The following MTMR9 variants were observed in gnomAD, a reference collection of about 807,000 sequenced individuals.
MTMR9 encodes myotubularin related protein 9.
MTMR9 carries 39 observed loss-of-function variants against 69.5 expected under a neutral mutation model. The ratio of observed to expected loss-of-function variants is 0.56; its 90% CI spans 0.43 to 0.73. The LOEUF (loss-of-function observed/expected upper bound fraction) is 0.73. Among genes scored for constraint, MTMR9 ranks in the 30% least tolerant of loss-of-function variants. The pLI, the probability that MTMR9 is intolerant of heterozygous loss-of-function variation, is 0.00. For missense variants in MTMR9, 900 were observed against 671.2 expected (o/e 1.34, Z -3.77); for synonymous variants, 354 against 240.8 (o/e 1.47, Z -4.35).
rs1387094749 is a variant in MTMR9 at position 11,326,647 on chromosome 8, C to A, written c.*3859C>A. On this transcript the variant is annotated 3_prime_UTR_variant, in exon 10 of 10. Transcript: ENST00000221086. ...GACCTAGTATTCTAAGTTATTACCA[C>A]ATAGTATTTTTATGTTACCCATCAT... The A allele has an allele frequency of 1.3e-5, 2 of 152,228 alleles. No homozygotes were observed. The highest frequency in any genetic ancestry group is 2.9e-5 in the Non-Finnish European group (2 of 68,058). The allele number at this position is 152,228 out of a possible 1,614,324, so 9.4% of individuals were successfully genotyped here. A position where few individuals can be genotyped will look rare whatever the true frequency, so the allele number is the denominator to read the frequency against.
At chr8:11,305,747 G>T (rs3808509) in intron 4 of MTMR9, among the ~76,000 whole-genome samples, 55,009 of 152,108 alleles carry the variant, frequency 0.36, 11,230 homozygotes, top group East Asian at 0.7. Flanking sequence ...CAAACAATGA[G>T]AACAGTGTTT....
chr8:11,308,850 G>C (rs1800071775), intron 5 of MTMR9, among the ~76,000 whole-genome samples: 1 of 152,176 alleles, frequency 6.6e-6, no homozygotes, highest in Non-Finnish European at 1.5e-5. Context: ...AGGCCTGCAG[G>C]AGTCCCTTTC....
At chr8:11,330,623 C>T (rs1057068350), downstream of MTMR9, among the ~76,000 whole-genome samples, 1 of 152,156 alleles carries the variant, frequency 6.6e-6, no homozygotes, top group African/African-American at 2.4e-5. Context: ...TTGACCCCAG[C>T]CCTGTGCTCT....
downstream of MTMR9, chr8:11,332,210 A>AG: frequency 6.7e-7 from 1 of 1,497,818 alleles, no homozygotes; most frequent in Non-Finnish European, 8.9e-7. Flanking sequence ...AAGAAAAAAA[A>AG]TAATTATAAT....
Position 11,314,923 on chromosome 8 carries a change from G to A in MTMR9, c.972G>A (p.Arg324=). ...TACLAAQCID[R]EGASILIHGT... ...TACTCTTCCCTGATTTTCCTATCAG[G>A]GAAGGAGCATCAATATTGATTCACG... The change falls in exon 7 of 10, where the codon AGG becomes AGA. Residue 324 remains arginine (R), a splice_region_variant and synonymous_variant. Transcript: ENST00000221086. 6.2e-7 allele frequency: 1 copy of A among 1,613,446 alleles called. No individual in the cohort carries two copies.
the MTMR9 span, among the ~76,000 whole-genome samples, chr8:11,335,802 G>A: frequency 6.6e-6 from 1 of 152,110 alleles, no homozygotes; most frequent in Non-Finnish European, 1.5e-5. Context: ...ATGTCTCTGT[G>A]TTCAAATTTC....
Position 11,312,289 on chromosome 8 carries a change from A to G in MTMR9, c.971+2601A>G, listed in dbSNP as rs148193063. ...GGTCTCAAATTCCTGAGCTCAAACA[A>G]TCCTCCTGCCTCAGCCTCCCAAAGT... On this transcript the variant is annotated intron_variant, in intron 6 of 9. Transcript: ENST00000221086. 5.1e-3 allele frequency among the ~76,000 whole-genome samples: 780 copies of G among 152,052 alleles called. 8 individuals are homozygous for G. The highest frequency in any genetic ancestry group is 0.017 in the African/African-American group (708 of 41,452).
intron 2 of MTMR9, among the ~76,000 whole-genome samples, 198 bp downstream of exon 2, chr8:11,295,500 C>T (rs200302060): frequency 1.5e-5 from 1 of 64,518 alleles, no homozygotes; most frequent in Non-Finnish European, 4.2e-5. Context: ...TCTGGTGTTA[C>T]TCACGTTATA....
intron 9 of MTMR9, chr8:11,320,823 TA>T (rs541059032): frequency 6.6e-6 from 1 of 152,290 alleles, no homozygotes; most frequent in Non-Finnish European, 1.5e-5. Context: ...ATTTAATTTT[TA>T]AAGTTATTTT....
At chr8:11,294,691 G>A (rs1209542905) in intron 1 of MTMR9, 3 of 152,012 alleles carry the variant, frequency 2.0e-5, no homozygotes, top group Non-Finnish European at 2.9e-5. Context: ...GAATTTCACT[G>A]TGTTAGCCAG....
intron 1 of MTMR9, among the ~76,000 whole-genome samples, chr8:11,291,339 C>A (rs781610191): frequency 6.6e-6 from 1 of 151,916 alleles, no homozygotes; most frequent in Non-Finnish European, 1.5e-5. Flanking sequence ...ATCAAACATG[C>A]CTTCTACCTG....
chr8:11,301,293 T>C (rs1013491277), intron 3 of MTMR9, among the ~76,000 whole-genome samples: 5 of 152,232 alleles, frequency 3.3e-5, no homozygotes, highest in Admixed American at 6.5e-5. Flanking sequence ...ATGGTATTGC[T>C]GTAAGCGAAG....
intron 9 of MTMR9, among the ~76,000 whole-genome samples, chr8:11,321,924 A>T (rs1224452663): frequency 6.6e-6 from 1 of 152,230 alleles, no homozygotes; most frequent in Non-Finnish European, 1.5e-5. Context: ...GACATGGTGC[A>T]GCCTGGAAGA....
intron 1 of MTMR9, among the ~76,000 whole-genome samples, chr8:11,286,404 C>T (rs931034592): frequency 6.6e-6 from 1 of 151,780 alleles, no homozygotes; most frequent in Non-Finnish European, 1.5e-5. Flanking sequence ...GTGGCTCACG[C>T]CTGTAATCCC....
At chr8:11,291,539 A>ATT (rs1799381048) in intron 1 of MTMR9, among the ~76,000 whole-genome samples, 1 of 152,056 alleles carries the variant, frequency 6.6e-6, no homozygotes, top group Non-Finnish European at 1.5e-5. Flanking sequence ...TTTAAAACAT[A>ATT]TTTTTCTTGG....
chr8:11,313,581 A>G (rs1800291473), intron 6 of MTMR9, among the ~76,000 whole-genome samples: 1 of 152,138 alleles, frequency 6.6e-6, no homozygotes, highest in South Asian at 2.1e-4. Context: ...TCATTTGAAC[A>G]CTTACAGGCC....
At chr8:11,300,682 A>T (rs1799718211) in intron 3 of MTMR9, 1 of 152,306 alleles carries the variant, frequency 6.6e-6, no homozygotes, top group African/African-American at 2.4e-5. Context: ...AAGTTGGTTG[A>T]TATAAGATCG....
At chr8:11,311,192 C>T (rs61005672) in intron 6 of MTMR9, among the ~76,000 whole-genome samples, 2,075 of 152,240 alleles carry the variant, frequency 0.014, 70 homozygotes, top group East Asian at 0.13. Flanking sequence ...TAGGTTTTAT[C>T]CTGAGAATGG....
At chr8:11,312,869 C>G (rs1179588717) in intron 6 of MTMR9, among the ~76,000 whole-genome samples, 4 of 152,196 alleles carry the variant, frequency 2.6e-5, no homozygotes, top group South Asian at 2.1e-4. Context: ...ACATTCATCT[C>G]CATGTACCTC....
Sources: gnomAD v4.1 joint callset for allele counts (sites outside exome capture counted in the v4.1 genomes callset) on GRCh38, gnomAD v4.1.1 for gene constraint, MANE v1.5 for transcripts, NCBI Gene and HGNC (gene_info 2026-07-23, HGNC 2026-07-21) for gene names.